SPIC: variants seen among roughly 807,000 people sequenced by gnomAD.
The protein encoded by SPIC is Spi-C transcription factor.
Under a neutral mutation model 16.7 loss-of-function variants are expected in SPIC, and 9 were observed. That is an observed-to-expected ratio of 0.54 (90% CI 0.33 to 0.94). SPIC has a LOEUF of 0.94. Among genes scored for constraint, SPIC ranks in the 40% least tolerant of loss-of-function variants. SPIC has a pLI of 0.03. For synonymous variants in SPIC, 97 were observed against 102.9 expected, an observed-to-expected ratio of 0.94 and a Z score of 0.35; for missense variants, 241 against 285.8, an observed-to-expected ratio of 0.84 and a Z score of 1.13.
rs374027628 is a variant in SPIC at position 101,482,785 on chromosome 12, T to G, written c.211-7T>G. 2.3e-5 allele frequency: 36 copies of G among 1,598,368 alleles called. No homozygotes were observed. The highest frequency in any genetic ancestry group is 3.0e-5 in the Non-Finnish European group (35 of 1,173,508). Reference sequence around the variant, plus strand: ...TCACTTAACATCCTGCTTCATTATTTATATAGAACAGTGCTGCGGACTTCT... The same window carrying G: ...TCACTTAACATCCTGCTTCATTATTGATATAGAACAGTGCTGCGGACTTCT... On this transcript the variant is annotated splice_polypyrimidine_tract_variant and splice_region_variant and intron_variant, in intron 4 of 5. Coordinates refer to ENST00000551346, the MANE Select transcript of SPIC (RefSeq NM_152323.3).
Position 101,476,824 on chromosome 12 carries a change from T to C in SPIC, c.-77-4T>C. The C allele has an allele frequency of 1.0e-6, 1 of 1,005,016 alleles. No homozygotes were observed. Among genetic ancestry groups the C allele is most frequent in the Non-Finnish European group, 1.4e-6 (1 of 713,612 alleles). 62.3% of individuals were successfully genotyped at this position (1,005,016 alleles called of 1,614,324 possible). ...TTTGCTTTTTAAATATTAAACTTTT[T>C]CAGGATTGTCAACTTATTTTATTTT... On this transcript the variant is annotated splice_polypyrimidine_tract_variant and splice_region_variant and intron_variant, in intron 1 of 5. Transcript: ENST00000551346.
chr12:101,485,171 G>C (rs1873329698), intron 5 of SPIC, among the ~76,000 whole-genome samples: 1 of 152,170 alleles, frequency 6.6e-6, no homozygotes, highest in Non-Finnish European at 1.5e-5. Context: ...AAGCAGTTTG[G>C]GAATCCACTA....
chr12:101,483,691 G>A (rs1234247062), intron 5 of SPIC, among the ~76,000 whole-genome samples: 3 of 151,742 alleles, frequency 2.0e-5, no homozygotes, highest in African/African-American at 7.3e-5. Flanking sequence ...CTGCCTCCCC[G>A]ACTCAAGCAA....
chr12:101,479,735 AT>A (rs1236482341), intron 4 of SPIC, 41 bp downstream of exon 4: 1 of 1,449,608 alleles, frequency 6.9e-7, no homozygotes, highest in Non-Finnish European at 9.6e-7. Context: ...CAAATATCCT[AT>A]TCTTGCCAGC....
At chr12:101,485,766 G>A (rs1355285710) in intron 5 of SPIC, among the ~76,000 whole-genome samples, 1 of 152,160 alleles carries the variant, frequency 6.6e-6, no homozygotes, top group East Asian at 1.9e-4. Flanking sequence ...TTTGCTCAAT[G>A]TTGTTCTGTG....
intron 4 of SPIC, among the ~76,000 whole-genome samples, chr12:101,481,447 G>A (rs1045496004): frequency 2.0e-5 from 3 of 151,846 alleles, no homozygotes; most frequent in Admixed American, 6.6e-5. Context: ...GGGTTCAAGC[G>A]ATTCTCCTGC....
At position 101,479,227 on chromosome 12, in the gene SPIC, A is replaced by G. The variant is rs191566640; in HGVS notation, c.98-355A>G. Among the ~76,000 whole-genome samples the G allele has an allele frequency of 4.3e-3, 474 of 110,742 alleles. 10 individuals are homozygous for G. The highest frequency in any genetic ancestry group is 5.4e-3 in the Non-Finnish European group (291 of 53,556). The allele number at this position is 110,742 out of a possible 152,430, so 72.7% of individuals were successfully genotyped here. A position where few individuals can be genotyped will look rare whatever the true frequency, so the allele number is the denominator to read the frequency against. ...AAGAAAGAAAGAAAGAAAGAAGGAA[A>G]GAAAGAAAGAAAGAAAAAGAAAGAA... is the stretch of plus-strand genomic sequence containing the variant. On this transcript the variant is annotated intron_variant, in intron 3 of 5. Coordinates refer to ENST00000551346, the MANE Select transcript of SPIC (RefSeq NM_152323.3).
chr12:101,480,048 T>G (rs1873139309), intron 4 of SPIC, among the ~76,000 whole-genome samples: 1 of 152,224 alleles, frequency 6.6e-6, no homozygotes, highest in Non-Finnish European at 1.5e-5. Context: ...AACTCCTGAC[T>G]TCAGGTGATC....
At chr12:101,482,063 A>T (rs1354311311) in intron 4 of SPIC, among the ~76,000 whole-genome samples, 2 of 145,674 alleles carry the variant, frequency 1.4e-5, no homozygotes, top group Admixed American at 6.8e-5. Context: ...GCCAACATGG[A>T]GAAACCCCAT....
chr12:101,476,673 T>C (rs1204152257), intron 1 of SPIC, among the ~76,000 whole-genome samples, 155 bp from the exon 2 acceptor site: 1 of 152,070 alleles, frequency 6.6e-6, no homozygotes, highest in Non-Finnish European at 1.5e-5. Flanking sequence ...TGTAGAAAAT[T>C]TCGTAGAAAA....
chr12:101,479,818 C>CTTT lies in SPIC; in HGVS notation c.210+138_210+140dup, dbSNP rs35835395. On this transcript the variant is annotated intron_variant, in intron 4 of 5. Coordinates refer to ENST00000551346, the MANE Select transcript of SPIC (RefSeq NM_152323.3). ...TGACTATGAAAATGGTTTTTTCTTT[C>CTTT]TTTTTTTTTTTTTTTTGAGATGGAG... The CTTT allele has an allele frequency of 2.6e-3, 948 of 362,610 alleles. 2 individuals carry two copies. Among genetic ancestry groups the CTTT allele is most frequent in the South Asian group, 4.3e-3 (124 of 29,062 alleles). 22.5% of individuals were successfully genotyped at this position (362,610 alleles called of 1,614,324 possible).
At chr12:101,479,769 T>G in intron 4 of SPIC, 75 bp downstream of exon 4, 1 of 1,115,782 alleles carries the variant, frequency 9.0e-7, no homozygotes, top group Middle Eastern at 2.1e-4. Context: ...ATACACTGTC[T>G]GAAACCCAGC....
chr12:101,479,820 T>TA, intron 4 of SPIC, 126 bp downstream of exon 4: 1 of 379,380 alleles, frequency 2.6e-6, no homozygotes, highest in Admixed American at 5.0e-5. Flanking sequence ...TTTTCTTTCT[T>TA]TTTTTTTTTT....
At chr12:101,481,389 G>T (rs930577259) in intron 4 of SPIC, among the ~76,000 whole-genome samples, 1 of 152,014 alleles carries the variant, frequency 6.6e-6, no homozygotes, top group Non-Finnish European at 1.5e-5. Flanking sequence ...TGTTGCCCAG[G>T]CCGTAGTGCA....
intron 5 of SPIC, among the ~76,000 whole-genome samples, chr12:101,483,951 C>A (rs908673951): frequency 2.0e-5 from 3 of 151,770 alleles, no homozygotes; most frequent in African/African-American, 7.3e-5. Context: ...CAGAGAGACT[C>A]CCTCACCAAT....
chr12:101,481,866 T>G (rs1190982230), intron 4 of SPIC, among the ~76,000 whole-genome samples: 1 of 145,340 alleles, frequency 6.9e-6, no homozygotes, highest in Non-Finnish European at 1.5e-5. Context: ...TTGGCCAGGC[T>G]GGTCTCGAAC....
intron 3 of SPIC, among the ~76,000 whole-genome samples, chr12:101,478,010 C>CT (rs1034919958): frequency 3.3e-5 from 5 of 151,166 alleles, no homozygotes; most frequent in Admixed American, 2.6e-4. Context: ...CAGAGAAGAC[C>CT]TTTTTTTTCT....
rs887444671 is a variant in SPIC at position 101,486,839 on chromosome 12, C to T, written c.*68C>T. Reference sequence around the variant, plus strand: ...TACAAGTTTTAATGATTTCTCCCTCCCTCTCTTTTTTTCCTCCTCTGAAGA... The same window carrying T: ...TACAAGTTTTAATGATTTCTCCCTCTCTCTCTTTTTTTCCTCCTCTGAAGA... On this transcript the variant is annotated 3_prime_UTR_variant, in exon 6 of 6. Transcript: ENST00000551346. The T allele has an allele frequency of 3.0e-6, 4 of 1,326,772 alleles. No individual in the cohort carries two copies. The African/African-American group carries it at 5.9e-5, about 19-fold the overall frequency. The allele number at this position is 1,326,772 out of a possible 1,614,324, so 82.2% of individuals were successfully genotyped here.
intron 4 of SPIC, among the ~76,000 whole-genome samples, chr12:101,482,196 C>T (rs1318307948): frequency 1.3e-5 from 2 of 149,998 alleles, no homozygotes; most frequent in East Asian, 4.1e-4. Context: ...CGCGCCATTG[C>T]ACTCCAGCCT....
Sources: gnomAD v4.1 joint callset for allele counts (sites outside exome capture counted in the v4.1 genomes callset) on GRCh38, gnomAD v4.1.1 for gene constraint, MANE v1.5 for transcripts, NCBI Gene and HGNC (gene_info 2026-07-23, HGNC 2026-07-21) for gene names.